The following MAGI3 variants were observed in gnomAD, a reference collection of about 807,000 sequenced individuals.
The protein encoded by MAGI3 is membrane associated guanylate kinase, WW and PDZ domain containing 3, also known as membrane-associated guanylate kinase, WW and PDZ domain-containing protein 3.
In MAGI3, 43 loss-of-function variants were observed where a neutral mutation model predicts 121.8. That is an observed-to-expected ratio of 0.35 (90% CI 0.28 to 0.46). The LOEUF is 0.46. MAGI3 is among the 20% of genes least tolerant of loss of function. The pLI is 1.00. For synonymous variants in MAGI3, 553 were observed against 639.3 expected, an observed-to-expected ratio of 0.86 and a Z score of 2.04; for missense variants, 1,547 against 1,797.3, an observed-to-expected ratio of 0.86 and a Z score of 2.52.
intron 6 of MAGI3, among the ~76,000 whole-genome samples, chr1:113,612,306 TC>T (rs1318459365): frequency 6.6e-6 from 1 of 152,154 alleles, no homozygotes; most frequent in Non-Finnish European, 1.5e-5. Flanking sequence ...CAATTGGTAT[TC>T]CTCTGCACTC....
Position 113,611,735 on chromosome 1 carries a change from G to A in MAGI3, c.1019-2866G>A, listed in dbSNP as rs1778847. 3.0e-3 allele frequency among the ~76,000 whole-genome samples: 448 copies of A among 151,836 alleles called. 3 individuals are homozygous for A. The highest frequency in any genetic ancestry group is 0.01 in the African/African-American group (432 of 41,398). On this transcript the variant is annotated intron_variant, in intron 6 of 20. Coordinates refer to ENST00000307546, the MANE Select transcript of MAGI3 (RefSeq NM_001142782.2). ...TCACCTTAATCAATTCTCTATCATCGTCAAAATAAAGATCAAACTTCTCAA... is the reference window on the plus strand; with the variant it reads ...TCACCTTAATCAATTCTCTATCATCATCAAAATAAAGATCAAACTTCTCAA...
intron 2 of MAGI3, among the ~76,000 whole-genome samples, chr1:113,575,192 A>G (rs1030993571): frequency 1.3e-5 from 2 of 152,140 alleles, no homozygotes; most frequent in Non-Finnish European, 1.5e-5. Context: ...ACTTCTGTCA[A>G]TTCATCAAAC....
chr1:113,607,681 G>A (rs1649864656), intron 6 of MAGI3, among the ~76,000 whole-genome samples: 1 of 151,994 alleles, frequency 6.6e-6, no homozygotes, highest in Admixed American at 6.6e-5. Context: ...TAGAAGAGGG[G>A]CAGATGTCAG....
intron 1 of MAGI3, among the ~76,000 whole-genome samples, chr1:113,472,314 C>T (rs966602787): frequency 3.3e-5 from 5 of 151,806 alleles, no homozygotes; most frequent in African/African-American, 7.3e-5. Flanking sequence ...GCCATTCTCC[C>T]GCCTCAGCCT....
chr1:113,580,653 C>T lies in MAGI3; in HGVS notation c.545C>T (p.Thr182Ile). Residue 182 changes from threonine (T) to isoleucine (I), a missense_variant, in exon 3 of 21, where the codon ACA becomes ATA. By Grantham distance (89) the Thr-to-Ile change is moderately conservative. Transcript: ENST00000307546. Reference protein sequence around the residue: ...EESGALLESGTYDGNFYGTPK... With the variant: ...EESGALLESGIYDGNFYGTPK... ...AGTGGAGCATTGTTAGAAAGTGGGA[C>T]ATATGATGGTATGTCCCCAAATAAC... 1.2e-6 allele frequency: 2 copies of T among 1,603,512 alleles called. No individual in the cohort carries two copies. The highest frequency in any genetic ancestry group is 1.7e-6 in the Non-Finnish European group (2 of 1,174,764).
chr1:113,589,795 G>A (rs936911286), intron 4 of MAGI3, among the ~76,000 whole-genome samples: 1 of 152,024 alleles, frequency 6.6e-6, no homozygotes, highest in African/African-American at 2.4e-5. Flanking sequence ...GAACTCCCTA[G>A]ACAGTACCCA....
intron 1 of MAGI3, among the ~76,000 whole-genome samples, chr1:113,474,563 C>T (rs527440743): frequency 3.9e-5 from 6 of 152,266 alleles, no homozygotes; most frequent in Admixed American, 1.3e-4. Context: ...TGTCAAAGAT[C>T]CGATGGTTGC....
chr1:113,642,587 C>G (rs1043153574), intron 10 of MAGI3, 71 bp downstream of exon 10: 1 of 1,494,356 alleles, frequency 6.7e-7, no homozygotes, highest in African/African-American at 1.4e-5. Flanking sequence ...TCTTTCCTTA[C>G]AGTTTAGAAT....
chr1:113,398,452 A>T (rs934762321), intron 1 of MAGI3, among the ~76,000 whole-genome samples: 20 of 152,200 alleles, frequency 1.3e-4, no homozygotes, highest in African/African-American at 4.8e-4. Flanking sequence ...TGGGTATACA[A>T]TGTGAACGGT....
chr1:113,526,783 G>C (rs1428634158), intron 1 of MAGI3, among the ~76,000 whole-genome samples: 1 of 152,222 alleles, frequency 6.6e-6, no homozygotes, highest in East Asian at 1.9e-4. Context: ...CATTGAAATG[G>C]AGAGAACTGA....
At chr1:113,582,589 T>C (rs1034817588) in intron 3 of MAGI3, among the ~76,000 whole-genome samples, 6 of 151,908 alleles carry the variant, frequency 3.9e-5, no homozygotes, top group African/African-American at 1.5e-4. Flanking sequence ...ATATGTGAAA[T>C]ATTGTGAAAA....
intron 15 of MAGI3, among the ~76,000 whole-genome samples, chr1:113,657,618 A>G (rs911002256): frequency 1.3e-5 from 2 of 152,212 alleles, no homozygotes; most frequent in African/African-American, 4.8e-5. Flanking sequence ...AATCTTTTGT[A>G]AGGAGAATAA....
chr1:113,423,269 G>C (rs1253533534), intron 1 of MAGI3, among the ~76,000 whole-genome samples: 1 of 135,250 alleles, frequency 7.4e-6, no homozygotes, highest in Admixed American at 7.7e-5. Flanking sequence ...TGGGGGGGGG[G>C]TTGTTTTTGT....
At chr1:113,545,063 T>G (rs908754629) in intron 1 of MAGI3, among the ~76,000 whole-genome samples, 6 of 148,622 alleles carry the variant, frequency 4.0e-5, no homozygotes, top group Non-Finnish European at 7.4e-5. Flanking sequence ...ATATAGTTTT[T>G]TGTTTGTTTG....
In MAGI3 at chr1:113,594,525, A is replaced by T. The variant is rs1366936625; in HGVS notation, c.983A>T (p.Lys328Met). 6.2e-7 allele frequency: 1 copy of T among 1,613,674 alleles called. No individual in the cohort carries two copies. Among genetic ancestry groups the T allele is most frequent in the Admixed American group, 1.7e-5 (1 of 59,964 alleles). ...ACCTGGTTGGATCCTCGTCTTTGTAAGAAAGCCAAAGCCCCTGAAGACTGT... is the reference window on the plus strand; with the variant it reads ...ACCTGGTTGGATCCTCGTCTTTGTATGAAAGCCAAAGCCCCTGAAGACTGT... ...TTTWLDPRLC[K>M]KAKAPEDCED... The change falls in exon 6 of 21, where the codon AAG (lysine) becomes ATG (methionine). Residue 328 changes from lysine to methionine, a missense_variant. Lys to Met is a moderately conservative substitution (Grantham distance 95). Transcript: ENST00000307546.
At chr1:113,472,776 A>T (rs1487798697) in intron 1 of MAGI3, among the ~76,000 whole-genome samples, 1 of 151,228 alleles carries the variant, frequency 6.6e-6, no homozygotes, top group East Asian at 1.9e-4. Flanking sequence ...CATGAGGCTT[A>T]CTGAATACAT....
At chr1:113,520,623 G>C (rs1441732410) in intron 1 of MAGI3, among the ~76,000 whole-genome samples, 1 of 151,154 alleles carries the variant, frequency 6.6e-6, no homozygotes, top group Non-Finnish European at 1.5e-5. Context: ...TTTTTTTTAT[G>C]AGATGGAGTC....
At position 113,416,183 on chromosome 1, in the gene MAGI3, T is replaced by TATTATTATGTAATTAATGACAC. The variant is rs1557744068; in HGVS notation, c.316+24838_316+24839insTTATGTAATTAATGACACATTA. ...ATATTATTATGTAATTAATGACACA[T>TATTATTATGTAATTAATGACAC]ATTAATTATGTAATTAATGACACAT... On this transcript the variant is annotated intron_variant, in intron 1 of 20. Transcript: ENST00000307546. Among the ~76,000 whole-genome samples the TATTATTATGTAATTAATGACAC allele has an allele frequency of 1.7e-4, 13 of 75,436 alleles. 4 individuals are homozygous for TATTATTATGTAATTAATGACAC. The highest frequency in any genetic ancestry group is 3.3e-4 in the Admixed American group (2 of 6,098). The allele number at this position is 75,436 out of a possible 152,430, so 49.5% of individuals were successfully genotyped here. A position where few individuals can be genotyped will look rare whatever the true frequency, so the allele number is the denominator to read the frequency against.
chr1:113,505,314 T>G (rs1657265880), intron 1 of MAGI3, among the ~76,000 whole-genome samples: 1 of 152,128 alleles, frequency 6.6e-6, no homozygotes, highest in African/African-American at 2.4e-5. Context: ...TTAATCAGTT[T>G]CTGCTTCACC....
Sources: allele counts gnomAD v4.1 joint callset (sites outside exome capture counted in the v4.1 genomes callset), GRCh38; gene constraint gnomAD v4.1.1; transcripts MANE v1.5; gene names NCBI Gene and HGNC (gene_info 2026-07-23, HGNC 2026-07-21).